The following AMPH variants were observed in gnomAD, a reference collection of about 807,000 sequenced individuals.
AMPH encodes amphiphysin, also known as amphiphysin (Stiff-Mann syndrome with breast cancer 128kD autoantigen).
In AMPH, 49 loss-of-function variants were observed where a neutral mutation model predicts 99.1. That is an observed-to-expected ratio of 0.49 (90% CI 0.39 to 0.63). The LOEUF (loss-of-function observed/expected upper bound fraction) is 0.63, where lower values mean the gene tolerates loss of function less well. AMPH is among the 20% of genes least tolerant of loss of function. The pLI, the probability that AMPH is intolerant of heterozygous loss-of-function variation, is 0.00. For missense variants in AMPH, 759 were observed against 863.4 expected (o/e 0.88, Z 1.52); for synonymous variants, 314 against 317.3 (o/e 0.99, Z 0.11).
chr7:38,387,760 A>G (rs1014615034), intron 20 of AMPH, among the ~76,000 whole-genome samples: 1 of 151,682 alleles, frequency 6.6e-6, no homozygotes, highest in Admixed American at 6.6e-5. Flanking sequence ...TAAGGATCTC[A>G]GTGATTTTCA....
At chr7:38,398,186 A>AT (rs1196205889) in intron 17 of AMPH, among the ~76,000 whole-genome samples, 80 of 148,394 alleles carry the variant, frequency 5.4e-4, no homozygotes, top group Non-Finnish European at 9.9e-4. Flanking sequence ...TATACTCAAA[A>AT]AAAAAAAAAC....
At chr7:38,389,343 G>C (rs1268705029) in intron 20 of AMPH, among the ~76,000 whole-genome samples, 1 of 152,206 alleles carries the variant, frequency 6.6e-6, no homozygotes, top group East Asian at 1.9e-4. Flanking sequence ...GTAATGCAGA[G>C]ATGATTAGGT....
chr7:38,590,051 T>C (rs1186782116), intron 1 of AMPH, among the ~76,000 whole-genome samples: 1 of 152,148 alleles, frequency 6.6e-6, no homozygotes, highest in Non-Finnish European at 1.5e-5. Context: ...GAAGTGTTAC[T>C]GGGGGGTCTT....
intron 10 of AMPH, among the ~76,000 whole-genome samples, chr7:38,462,704 T>C (rs972634641): frequency 2.0e-5 from 3 of 152,020 alleles, no homozygotes; most frequent in Non-Finnish European, 4.4e-5. Flanking sequence ...TAGCAAGAGA[T>C]AGGAGAAGAG....
rs117839252 is a variant in AMPH, at chr7:38,443,691, T to G, written c.1018-7303A>C. 9.1e-3 allele frequency among the ~76,000 whole-genome samples: 1,390 copies of G among 152,242 alleles called. 16 individuals carry two copies. The highest frequency in any genetic ancestry group is 0.02 in the Middle Eastern group (6 of 294). ...TCTTTAAGTAGGAATAAAAGGCTAC[T>G]TCCTCAATCTGATAAAAGCCATCTA... On this transcript the variant is annotated intron_variant, in intron 11 of 20. Transcript: ENST00000356264.
intron 1 of AMPH, among the ~76,000 whole-genome samples, chr7:38,624,840 C>G (rs1794190721): frequency 6.6e-6 from 1 of 151,426 alleles, no homozygotes; most frequent in African/African-American, 2.4e-5. Flanking sequence ...CATACAAGGA[C>G]AAGAACAGGA....
intron 1 of AMPH, among the ~76,000 whole-genome samples, chr7:38,567,831 A>C (rs1240251715): frequency 2.0e-5 from 3 of 152,208 alleles, no homozygotes; most frequent in Admixed American, 6.5e-5. Flanking sequence ...TAATAATAAT[A>C]ATCAACCCAT....
intron 5 of AMPH, among the ~76,000 whole-genome samples, chr7:38,479,492 G>T (rs1375063141): frequency 1.3e-5 from 2 of 151,950 alleles, no homozygotes; most frequent in East Asian, 1.9e-4. Context: ...AAATATAAAA[G>T]ATTTTGTTTT....
At chr7:38,447,427 C>T (rs1036331595) in intron 11 of AMPH, among the ~76,000 whole-genome samples, 1 of 152,112 alleles carries the variant, frequency 6.6e-6, no homozygotes, top group African/African-American at 2.4e-5. Flanking sequence ...TTACTTTTTG[C>T]TTCTCTGTAA....
intron 11 of AMPH, among the ~76,000 whole-genome samples, chr7:38,442,759 T>C (rs1329552414): frequency 6.6e-6 from 1 of 151,338 alleles, no homozygotes; most frequent in Non-Finnish European, 1.5e-5. Flanking sequence ...TCCGAAATTA[T>C]TAACCTCACC....
chr7:38,436,440 A>G, intron 11 of AMPH, 52 bp from the exon 12 acceptor site: 2 of 1,351,632 alleles, frequency 1.5e-6, no homozygotes, highest in Non-Finnish European at 2.1e-6. Flanking sequence ...CTTGAATCTG[A>G]TAAGACCATG....
In AMPH at chr7:38,461,278, C is replaced by T. The variant is rs762980572; in HGVS notation, c.1017+5G>A. 2 of 1,613,758 alleles carry T rather than the reference C, an allele frequency of 1.2e-6. No individual in the cohort carries two copies. The highest frequency in any genetic ancestry group is 1.7e-6 in the Non-Finnish European group (2 of 1,179,868). On this transcript the variant is annotated splice_donor_5th_base_variant and intron_variant, in intron 11 of 20. Transcript: ENST00000356264. Reference sequence around the variant, plus strand: ...GGACATACCAGCCCTGAACCAGGCACTTACCTGGGAAGGTGTTGTCACACT... The same window carrying T: ...GGACATACCAGCCCTGAACCAGGCATTTACCTGGGAAGGTGTTGTCACACT...
intron 14 of AMPH, chr7:38,428,804 A>C: frequency 1.8e-4 from 84 of 457,756 alleles, no homozygotes; most frequent in Non-Finnish European, 3.3e-4. Context: ...CTTTTGCCAT[A>C]TCTCCTCCTT....
At chr7:38,462,757 C>A (rs534447729) in intron 10 of AMPH, among the ~76,000 whole-genome samples, 29 of 152,166 alleles carry the variant, frequency 1.9e-4, no homozygotes, top group Non-Finnish European at 3.7e-4. Context: ...GGTAAGAAGT[C>A]CCAAAAAACT....
chr7:38,616,009 A>T (rs1397920656), intron 1 of AMPH, among the ~76,000 whole-genome samples: 1 of 152,210 alleles, frequency 6.6e-6, no homozygotes, highest in Non-Finnish European at 1.5e-5. Flanking sequence ...AATACCACTC[A>T]TGTGAGCATA....
At chr7:38,401,638 T>C (rs1784843000) in intron 17 of AMPH, among the ~76,000 whole-genome samples, 1 of 152,222 alleles carries the variant, frequency 6.6e-6, no homozygotes, top group South Asian at 2.1e-4. Flanking sequence ...TGACCTTTAG[T>C]ACTGATATGG....
rs1315449527 is a variant in AMPH at position 38,515,482 on chromosome 7, T to G, written c.151-11778A>C. Among the ~76,000 whole-genome samples, 3 of 152,304 alleles carry G rather than the reference T, an allele frequency of 2.0e-5. No individual in the cohort carries two copies. The East Asian group carries it at 5.8e-4, about 29-fold the overall frequency. ...CCTTCCTTTTCACCCTCCACCATGATTGTAAGTTTCCAGAGGCCTCCCCAT... is the reference window on the plus strand; with the variant it reads ...CCTTCCTTTTCACCCTCCACCATGAGTGTAAGTTTCCAGAGGCCTCCCCAT... On this transcript the variant is annotated intron_variant, in intron 2 of 20. Transcript: ENST00000356264.
At chr7:38,592,972 G>A (rs1389781579) in intron 1 of AMPH, among the ~76,000 whole-genome samples, 2 of 152,190 alleles carry the variant, frequency 1.3e-5, no homozygotes, top group Non-Finnish European at 2.9e-5. Flanking sequence ...ACCTCCTCTT[G>A]TAACTTCTTC....
intron 11 of AMPH, among the ~76,000 whole-genome samples, chr7:38,449,795 C>G (rs192994114): frequency 5.8e-4 from 88 of 152,274 alleles, no homozygotes; most frequent in Non-Finnish European, 1.1e-3. Flanking sequence ...AAAGAAGAGG[C>G]AGCTGGTCCA....
Sources: gnomAD v4.1 joint callset for allele counts (sites outside exome capture counted in the v4.1 genomes callset) on GRCh38, gnomAD v4.1.1 for gene constraint, MANE v1.5 for transcripts, NCBI Gene and HGNC (gene_info 2026-07-23, HGNC 2026-07-21) for gene names.